ROCK1: variants seen among roughly 807,000 people sequenced by gnomAD.
The protein encoded by ROCK1 is Rho associated coiled-coil containing protein kinase 1, also known as rho-associated protein kinase 1.
In ROCK1, 36 loss-of-function variants were observed where a neutral mutation model predicts 196.8. The ratio of observed to expected loss-of-function variants is 0.18; its 90% CI spans 0.14 to 0.24. The LOEUF is 0.24. ROCK1 is among the 10% of genes least tolerant of loss of function. The pLI is 1.00. For synonymous variants in ROCK1, 443 were observed against 515.9 expected, an observed-to-expected ratio of 0.86 and a Z score of 1.91; for missense variants, 920 against 1,562.0, an observed-to-expected ratio of 0.59 and a Z score of 6.93.
intron 23 of ROCK1, 145 bp from the exon 24 acceptor site, chr18:20,969,353 T>A (rs79277260): frequency 5.8e-6 from 3 of 518,872 alleles, no homozygotes; most frequent in Non-Finnish European, 1.0e-5. Context: ...TTAAAATATG[T>A]AATTACATCA....
At chr18:21,003,280 A>G (rs892335133) in intron 16 of ROCK1, among the ~76,000 whole-genome samples, 1 of 152,220 alleles carries the variant, frequency 6.6e-6, no homozygotes, top group Non-Finnish European at 1.5e-5. Context: ...AAGAGATTAC[A>G]AAGAACACAA....
At position 21,045,484 on chromosome 18, in the gene ROCK1, A is replaced by C; in HGVS notation, c.415-17T>G. ...ATAAAAAAGCTATACAAATAGAAAA[A>C]ACAAACAAAACACATTCATTAATGT... On this transcript the variant is annotated splice_polypyrimidine_tract_variant and intron_variant, in intron 4 of 32. Transcript: ENST00000399799. 6.5e-7 allele frequency: 1 copy of C among 1,529,464 alleles called. No homozygotes were observed. The highest frequency in any genetic ancestry group is 1.3e-5 in the South Asian group (1 of 78,914). 94.7% of individuals were successfully genotyped at this position (1,529,464 alleles called of 1,614,324 possible).
intron 3 of ROCK1, 35 bp from the exon 4 acceptor site, chr18:21,049,264 T>G: frequency 6.8e-7 from 1 of 1,470,574 alleles, no homozygotes; most frequent in Admixed American, 2.2e-5. Context: ...ATGAACCTTT[T>G]GTTAACATTT....
chr18:21,005,114 G>A (rs1286373663), intron 16 of ROCK1, among the ~76,000 whole-genome samples: 1 of 152,158 alleles, frequency 6.6e-6, no homozygotes, highest in African/African-American at 2.4e-5. Flanking sequence ...TAGGTAGTAT[G>A]GATGCTGCTG....
intron 9 of ROCK1, among the ~76,000 whole-genome samples, chr18:21,035,928 T>C (rs1598537668): frequency 6.6e-6 from 1 of 152,310 alleles, no homozygotes; most frequent in East Asian, 1.9e-4. Flanking sequence ...GGAGAGTTAC[T>C]ATTTAAGAGT....
At chr18:21,082,421 T>A (rs943143282) in intron 1 of ROCK1, among the ~76,000 whole-genome samples, 3 of 151,902 alleles carry the variant, frequency 2.0e-5, no homozygotes, top group African/African-American at 7.3e-5. Context: ...AATATAGACA[T>A]AAAAATGCCC....
chr18:21,033,872 A>AAAAAAT (rs2036032689), intron 9 of ROCK1, among the ~76,000 whole-genome samples: 1 of 138,148 alleles, frequency 7.2e-6, no homozygotes, highest in African/African-American at 2.9e-5. Context: ...AAAAAAAAAA[A>AAAAAAT]AAAAAAAAAA....
rs2271255 is a variant in ROCK1, at chr18:21,044,113, T to C, written c.664A>G (p.Lys222Glu). ...TCTAGTTAATTAACCTTATTCATCT[T>C]CATACAAGTACCAAAATCTGCTAAC... The part of the protein sequence containing the change: ...LKLADFGTCM[K>E]MNKEGMVRCD... Residue 222 changes from lysine to glutamate, a missense_variant, in exon 6 of 33, where the codon AAG becomes GAG. Transcript: ENST00000399799. 1.7e-5 allele frequency: 28 copies of C among 1,602,170 alleles called. No homozygotes were observed. The East Asian group carries it at 6.0e-4, about 35-fold the overall frequency.
intron 9 of ROCK1, among the ~76,000 whole-genome samples, chr18:21,032,506 G>GTT (rs368055407): frequency 3.9e-4 from 50 of 129,232 alleles, no homozygotes; most frequent in East Asian, 1.1e-3. Context: ...AAATAGGAAA[G>GTT]TTTTTTTTTT....
intron 17 of ROCK1, among the ~76,000 whole-genome samples, chr18:20,992,585 G>A (rs963832295): frequency 6.6e-6 from 1 of 151,948 alleles, no homozygotes; most frequent in Non-Finnish European, 1.5e-5. Context: ...CAAACCAAAG[G>A]AATCTGTGAT....
intron 1 of ROCK1, among the ~76,000 whole-genome samples, chr18:21,104,648 C>CG (rs1325433338): frequency 6.6e-6 from 1 of 151,920 alleles, no homozygotes; most frequent in Non-Finnish European, 1.5e-5. Context: ...CTCTGAGCCA[C>CG]GTCTCTACAC....
chr18:21,016,793 C>T (rs1259640556), intron 12 of ROCK1, among the ~76,000 whole-genome samples: 2 of 152,094 alleles, frequency 1.3e-5, no homozygotes, highest in Non-Finnish European at 1.5e-5. Flanking sequence ...CTTTTGAAAA[C>T]AGCAAATTTA....
At chr18:20,965,069 T>C (rs1182881238) in intron 27 of ROCK1, among the ~76,000 whole-genome samples, 2 of 152,118 alleles carry the variant, frequency 1.3e-5, no homozygotes, top group African/African-American at 4.8e-5. Flanking sequence ...AAAAATAAAA[T>C]TGGTCAGGAT....
chr18:20,984,436 CT>C lies in ROCK1; in HGVS notation c.2403del (p.Gly802ValfsTer2). 2 of 1,612,988 alleles carry C rather than the reference CT, an allele frequency of 1.2e-6. No homozygotes were observed. Among genetic ancestry groups the C allele is most frequent in the Non-Finnish European group, 8.5e-7 (1 of 1,179,524 alleles). On this transcript the variant is annotated frameshift_variant, in exon 20 of 33. Coordinates refer to ENST00000399799, the MANE Select transcript of ROCK1 (RefSeq NM_005406.3). LOFTEE classifies it high-confidence loss of function. The part of the protein sequence containing the change: ...KTQAFEADNL[K>X]GLEKQMKQEI... ...TCCTGTTTCATCTGCTTTTCTAAAC[CT>C]TTTAAATTGTCTGCCTCAAATGCTT...
At position 21,077,074 on chromosome 18, in the gene ROCK1, C is replaced by T. The variant is rs2036439191; in HGVS notation, c.94-6461G>A. Among the ~76,000 whole-genome samples, 5 of 150,682 alleles carry T rather than the reference C, an allele frequency of 3.3e-5. No homozygotes were observed. The South Asian group carries it at 8.4e-4, about 25-fold the overall frequency. On this transcript the variant is annotated intron_variant, in intron 1 of 32. Coordinates refer to ENST00000399799, the MANE Select transcript of ROCK1 (RefSeq NM_005406.3). ...CTGCAAGCTCCGCTTCCCGGGTTCA[C>T]GCCATTCTCCTGCCTCAGCCTCCCG...
rs764284339 is a variant in ROCK1, at chr18:20,970,330, CCTGA to C, written c.2820+14_2820+17del. On this transcript the variant is annotated intron_variant, in intron 23 of 32. Coordinates refer to ENST00000399799, the MANE Select transcript of ROCK1 (RefSeq NM_005406.3). ...ATTTAAATAAATTTTATATAACTTA[CCTGA>C]CTATCACACTTACCCGACTAACAGT... The C allele has an allele frequency of 1.2e-5, 19 of 1,597,836 alleles. No homozygotes were observed. The highest frequency in any genetic ancestry group is 1.1e-4 in the East Asian group (5 of 44,760).
At chr18:20,984,576 A>G (rs1418131708) in intron 19 of ROCK1, 41 bp from the exon 20 acceptor site, 2 of 1,457,028 alleles carry the variant, frequency 1.4e-6, no homozygotes, top group Non-Finnish European at 1.9e-6. Flanking sequence ...AATCTCTTAA[A>G]TAATTTATTA....
chr18:21,083,380 A>T (rs2036498081), intron 1 of ROCK1, among the ~76,000 whole-genome samples: 1 of 152,198 alleles, frequency 6.6e-6, no homozygotes, highest in Admixed American at 6.5e-5. Flanking sequence ...CAATCTTGAA[A>T]AAGAACAAAG....
intron 16 of ROCK1, among the ~76,000 whole-genome samples, chr18:20,995,983 C>A (rs1211989567): frequency 6.6e-5 from 10 of 152,076 alleles, no homozygotes; most frequent in African/African-American, 2.4e-4. Context: ...ACAATAAATA[C>A]CTAACTCTTC....
Sources: allele counts gnomAD v4.1 joint callset (sites outside exome capture counted in the v4.1 genomes callset), GRCh38; gene constraint gnomAD v4.1.1; transcripts MANE v1.5; gene names NCBI Gene and HGNC (gene_info 2026-07-23, HGNC 2026-07-21).